PHACTR3: variants seen among roughly 807,000 people sequenced by gnomAD.
The protein encoded by PHACTR3 is protein phosphatase 1, regulatory subunit 123.
PHACTR3 carries 16 observed loss-of-function variants against 66.8 expected under a neutral mutation model. The observed-to-expected ratio is 0.24, with a 90% CI of 0.16 to 0.36. The LOEUF (loss-of-function observed/expected upper bound fraction) is 0.36. Among genes scored for constraint, PHACTR3 ranks in the 10% least tolerant of loss-of-function variants. The pLI is 1.00. For missense variants in PHACTR3, 647 were observed against 719.9 expected (o/e 0.90, Z 1.16); for synonymous variants, 323 against 292.1 (o/e 1.11, Z -1.08).
intron 11 of PHACTR3, 86 bp downstream of exon 11, chr20:59,841,621 A>T: frequency 1.4e-6 from 2 of 1,404,976 alleles, no homozygotes; most frequent in Non-Finnish European, 1.9e-6. Context: ...TTCATAGACA[A>T]TGGGAGCCCT....
At chr20:59,798,905 C>T (rs1244801319) in intron 7 of PHACTR3, among the ~76,000 whole-genome samples, 2 of 151,924 alleles carry the variant, frequency 1.3e-5, no homozygotes, top group African/African-American at 2.4e-5. Context: ...CTGATATCAT[C>T]GATTTGAGAC....
intron 1 of PHACTR3, among the ~76,000 whole-genome samples, chr20:59,670,792 C>T (rs2036170491): frequency 6.6e-6 from 1 of 152,210 alleles, no homozygotes; most frequent in Non-Finnish European, 1.5e-5. Context: ...TGGCTATTTA[C>T]AGGTCCATAG....
At chr20:59,779,367 AATT>A (rs1365529985) in intron 7 of PHACTR3, among the ~76,000 whole-genome samples, 1 of 152,194 alleles carries the variant, frequency 6.6e-6, no homozygotes, top group African/African-American at 2.4e-5. Flanking sequence ...TTGGGGGGAA[AATT>A]ACTCACAGTA....
At chr20:59,725,220 C>G (rs2038518274) in intron 1 of PHACTR3, among the ~76,000 whole-genome samples, 1 of 145,964 alleles carries the variant, frequency 6.9e-6, no homozygotes, top group Non-Finnish European at 1.5e-5. Context: ...GTTGTGAGCC[C>G]AGGTGTCCTG....
intron 1 of PHACTR3, among the ~76,000 whole-genome samples, chr20:59,667,830 AG>A (rs1478986956): frequency 5.3e-5 from 8 of 152,184 alleles, no homozygotes; most frequent in Non-Finnish European, 1.0e-4. Flanking sequence ...GAGAAGGGGC[AG>A]GTGTGTGTGA....
At chr20:59,754,426 C>T (rs938310167) in intron 3 of PHACTR3, among the ~76,000 whole-genome samples, 3 of 152,222 alleles carry the variant, frequency 2.0e-5, no homozygotes, top group Non-Finnish European at 4.4e-5. Context: ...CTCACGGTGC[C>T]ATGTGTGGTC....
rs1421962555 is a variant in PHACTR3 at position 59,773,272 on chromosome 20, AC to A, written c.752-3del. 6.2e-7 allele frequency: 1 copy of A among 1,609,000 alleles called. No individual in the cohort carries two copies. Among genetic ancestry groups the A allele is most frequent in the Non-Finnish European group, 8.5e-7 (1 of 1,177,666 alleles). ...CTATGTTCTTGCTGCTTCCTCCCAC[AC>A]CCCAGGCCAAGCCACACTCTTCCAA... On this transcript the variant is annotated splice_polypyrimidine_tract_variant and splice_region_variant and intron_variant, in intron 5 of 12. Transcript: ENST00000371015.
At chr20:59,580,905 G>T (rs1159093453) in intron 1 of PHACTR3, among the ~76,000 whole-genome samples, 1 of 152,248 alleles carries the variant, frequency 6.6e-6, no homozygotes, top group East Asian at 1.9e-4. Flanking sequence ...TCAGGAAACT[G>T]GGCGTCTGTA....
At chr20:59,583,250 G>C (rs2032913375) in intron 1 of PHACTR3, among the ~76,000 whole-genome samples, 1 of 152,194 alleles carries the variant, frequency 6.6e-6, no homozygotes, top group Non-Finnish European at 1.5e-5. Context: ...CCAGGGATCT[G>C]TTGATTCTGG....
At chr20:59,765,561 C>T (rs2040152714) in intron 4 of PHACTR3, among the ~76,000 whole-genome samples, 1 of 152,066 alleles carries the variant, frequency 6.6e-6, no homozygotes, top group Non-Finnish European at 1.5e-5. Flanking sequence ...ATGAACTTAA[C>T]ATAAGAAAGG....
At chr20:59,651,564 A>T (rs925955275) in intron 1 of PHACTR3, among the ~76,000 whole-genome samples, 2 of 152,234 alleles carry the variant, frequency 1.3e-5, no homozygotes, top group African/African-American at 4.8e-5. Context: ...CTATCCCAAA[A>T]TATCTTGGCA....
intron 7 of PHACTR3, among the ~76,000 whole-genome samples, chr20:59,783,826 C>T (rs1210848123): frequency 6.6e-6 from 1 of 152,218 alleles, no homozygotes; most frequent in Non-Finnish European, 1.5e-5. Flanking sequence ...GGCATGAGCA[C>T]CAGATGGACA....
rs539441285 is a variant in PHACTR3, at chr20:59,802,935, C to A, written c.1175-3106C>A. Among the ~76,000 whole-genome samples, 7 of 152,304 alleles carry A rather than the reference C, an allele frequency of 4.6e-5. No individual in the cohort carries two copies. The East Asian group carries it at 1.4e-3, about 29-fold the overall frequency. ...TCTGAAGATAAATGAAAGTTGTGTA[C>A]TTGGAAAGACAATGCTGTATTATTT... On this transcript the variant is annotated intron_variant, in intron 7 of 12. Coordinates refer to ENST00000371015, the MANE Select transcript of PHACTR3 (RefSeq NM_080672.5).
chr20:59,620,610 A>G (rs1487691834), intron 1 of PHACTR3, among the ~76,000 whole-genome samples: 3 of 152,172 alleles, frequency 2.0e-5, no homozygotes, highest in Non-Finnish European at 2.9e-5. Flanking sequence ...CCCATAAGCG[A>G]TGTCGCTGGA....
intron 8 of PHACTR3, among the ~76,000 whole-genome samples, chr20:59,806,486 T>A (rs776392461): frequency 3.3e-5 from 5 of 152,200 alleles, no homozygotes; most frequent in Admixed American, 1.3e-4. Context: ...GGAGGGTGAA[T>A]TGCTCCACTG....
chr20:59,721,679 C>T (rs114274795), intron 1 of PHACTR3, among the ~76,000 whole-genome samples: 4,531 of 152,104 alleles, frequency 0.03, 131 homozygotes, highest in African/African-American at 0.083. Context: ...GGTGATGAGT[C>T]GGGAGGCTGG....
rs1318937066 is a variant in PHACTR3, at chr20:59,655,540, C to T, written c.118+50408C>T. 2.0e-5 allele frequency among the ~76,000 whole-genome samples: 3 copies of T among 152,040 alleles called. No individual in the cohort carries two copies. The East Asian group carries it at 5.8e-4, about 29-fold the overall frequency. On this transcript the variant is annotated intron_variant, in intron 1 of 12. Coordinates refer to ENST00000371015, the MANE Select transcript of PHACTR3 (RefSeq NM_080672.5). ...GATTTTAGTAATTTGAGTCTTCTCT[C>T]TCTCTTCTTTATCAGTCTAGCTAAA...
At chr20:59,824,511 C>T (rs962707025) in intron 8 of PHACTR3, among the ~76,000 whole-genome samples, 1 of 152,230 alleles carries the variant, frequency 6.6e-6, no homozygotes, top group African/African-American at 2.4e-5. Context: ...AATGGAGCAG[C>T]ACCCGGTTCC....
In PHACTR3 at chr20:59,830,814, A is replaced by G. The variant is rs2042345636; in HGVS notation, c.1329-5691A>G. On this transcript the variant is annotated intron_variant, in intron 8 of 12. Transcript: ENST00000371015. This position sits in a 1 kb window ranked among gnomAD's most constrained non-coding sequence, Gnocchi z 5.8. Reference sequence around the variant, plus strand: ...AAGGGAGGGCGTGACGCCATCACCCAGCTGGCAGGGGTCAGAGCTGGAACT... The same window carrying G: ...AAGGGAGGGCGTGACGCCATCACCCGGCTGGCAGGGGTCAGAGCTGGAACT... 6.6e-6 allele frequency among the ~76,000 whole-genome samples: 1 copy of G among 152,278 alleles called. No individual in the cohort carries two copies. The highest frequency in any genetic ancestry group is 1.9e-4 in the East Asian group (1 of 5,176).
Sources: gnomAD v4.1 joint callset for allele counts (sites outside exome capture counted in the v4.1 genomes callset) on GRCh38, gnomAD v4.1.1 for gene constraint, Gnocchi (gnomAD v3.1) non-coding constraint, MANE v1.5 for transcripts, NCBI Gene and HGNC (gene_info 2026-07-23, HGNC 2026-07-21) for gene names.